The following HSPA12A variants were observed in gnomAD, a reference collection of about 807,000 sequenced individuals.
The protein encoded by HSPA12A is heat shock 70 kDa protein 12A.
A neutral mutation model predicts 69.2 loss-of-function variants in HSPA12A; 28 were observed. The ratio of observed to expected loss-of-function variants is 0.40; its 90% CI spans 0.30 to 0.55. HSPA12A has a LOEUF of 0.55. HSPA12A is among the 20% of genes least tolerant of loss of function. The pLI, the probability that HSPA12A is intolerant of heterozygous loss-of-function variation, is 0.38. For missense variants in HSPA12A, 686 were observed against 900.7 expected (o/e 0.76, Z 3.05); for synonymous variants, 345 against 370.5 (o/e 0.93, Z 0.79).
chr10:116,702,065 C>T (rs1419862770), intron 3 of HSPA12A, among the ~76,000 whole-genome samples: 1 of 151,946 alleles, frequency 6.6e-6, no homozygotes, highest in Non-Finnish European at 1.5e-5. Flanking sequence ...GCTATGATCG[C>T]ATCACTGCAC....
intron 2 of HSPA12A, among the ~76,000 whole-genome samples, chr10:116,818,324 C>A (rs1845345765): frequency 6.6e-6 from 1 of 152,230 alleles, no homozygotes; most frequent in African/African-American, 2.4e-5. Context: ...GGGCCTGCCC[C>A]ACAGCCAGAC....
At chr10:116,844,344 G>A (rs1453264357) in intron 1 of HSPA12A, among the ~76,000 whole-genome samples, 1 of 152,142 alleles carries the variant, frequency 6.6e-6, no homozygotes, top group African/African-American at 2.4e-5. Context: ...TAGTGGTAAT[G>A]ACTACTGCCA....
At chr10:116,714,970 G>A (rs1484208671) in intron 1 of HSPA12A, among the ~76,000 whole-genome samples, 3 of 152,182 alleles carry the variant, frequency 2.0e-5, no homozygotes, top group African/African-American at 4.8e-5. Context: ...AGCTCCCCCG[G>A]TGCAGATGAG....
intron 2 of HSPA12A, among the ~76,000 whole-genome samples, chr10:116,824,771 C>A (rs189224046): frequency 6.0e-4 from 91 of 152,282 alleles, no homozygotes; most frequent in African/African-American, 1.9e-3. Flanking sequence ...GTAGCTGGGA[C>A]TATAGATGCG....
At chr10:116,718,616 A>G (rs1850680322) in intron 1 of HSPA12A, among the ~76,000 whole-genome samples, 1 of 152,170 alleles carries the variant, frequency 6.6e-6, no homozygotes, top group African/African-American at 2.4e-5. Context: ...ACACCTCCCA[A>G]GCAGGGCTGC....
At chr10:116,764,979 A>G (rs1280677583) in intron 2 of HSPA12A, among the ~76,000 whole-genome samples, 2 of 152,216 alleles carry the variant, frequency 1.3e-5, no homozygotes, top group African/African-American at 4.8e-5. Context: ...GTAATTCTGA[A>G]ACTATTCTTT....
At chr10:116,776,685 C>A (rs1844345873) in intron 2 of HSPA12A, among the ~76,000 whole-genome samples, 1 of 152,138 alleles carries the variant, frequency 6.6e-6, no homozygotes, top group African/African-American at 2.4e-5. Context: ...CACAGAGCAT[C>A]AAAATATAAG....
At chr10:116,838,405 C>T (rs765850899) in intron 1 of HSPA12A, among the ~76,000 whole-genome samples, 5 of 151,856 alleles carry the variant, frequency 3.3e-5, no homozygotes, top group Non-Finnish European at 5.9e-5. Flanking sequence ...GTTTTAACAC[C>T]GTTTCACCAT....
chr10:116,770,689 C>G (rs543819867), intron 2 of HSPA12A, among the ~76,000 whole-genome samples: 24 of 152,224 alleles, frequency 1.6e-4, no homozygotes, highest in African/African-American at 5.8e-4. Flanking sequence ...GCCGGGTTGT[C>G]CCCACCATCT....
At chr10:116,817,933 C>A (rs989420592) in intron 2 of HSPA12A, among the ~76,000 whole-genome samples, 1 of 152,208 alleles carries the variant, frequency 6.6e-6, no homozygotes, top group Admixed American at 6.5e-5. Flanking sequence ...TTCGCCACCT[C>A]CAATTAGGCG....
At chr10:116,707,453 C>T (rs551139058) in intron 1 of HSPA12A, among the ~76,000 whole-genome samples, 168 bp from the exon 2 acceptor site, 2 of 152,332 alleles carry the variant, frequency 1.3e-5, no homozygotes, top group Non-Finnish European at 1.5e-5. Context: ...ACATCCGTTC[C>T]AGCACCTCTT....
At chr10:116,816,757 G>A (rs1845314351) in intron 2 of HSPA12A, among the ~76,000 whole-genome samples, 1 of 152,172 alleles carries the variant, frequency 6.6e-6, no homozygotes, top group Non-Finnish European at 1.5e-5. Context: ...AGAAATACCA[G>A]AGGGTTAAAA....
intron 1 of HSPA12A, among the ~76,000 whole-genome samples, chr10:116,709,581 T>C (rs1554882861): frequency 6.6e-6 from 1 of 152,072 alleles, no homozygotes; most frequent in East Asian, 1.9e-4. Context: ...ATATGCTAAG[T>C]AAAATACATG....
chr10:116,697,816 TTCAGCAG>T (rs1448985383), intron 5 of HSPA12A, among the ~76,000 whole-genome samples: 2 of 152,006 alleles, frequency 1.3e-5, no homozygotes, highest in Non-Finnish European at 1.5e-5. Context: ...ACTCATATCC[TTCAGCAG>T]TCGCTCCTAT....
intron 1 of HSPA12A, among the ~76,000 whole-genome samples, chr10:116,730,791 C>T (rs1301754228): frequency 1.3e-5 from 2 of 152,248 alleles, no homozygotes; most frequent in Non-Finnish European, 2.9e-5. Context: ...GAAAGCATCT[C>T]GCCATAGCTG....
chr10:116,696,002 C>CAAAA (rs71013609), intron 5 of HSPA12A, among the ~76,000 whole-genome samples: 6 of 32,708 alleles, frequency 1.8e-4, no homozygotes, highest in South Asian at 2.3e-3. Flanking sequence ...GACTCCATCT[C>CAAAA]AAAAAAAAAA....
intron 1 of HSPA12A, among the ~76,000 whole-genome samples, chr10:116,720,913 G>A (rs1000506812): frequency 1.4e-4 from 22 of 152,332 alleles, no homozygotes; most frequent in Admixed American, 1.2e-3. Context: ...GGGGAGGCAC[G>A]ATGGGAACTG....
intron 6 of HSPA12A, among the ~76,000 whole-genome samples, 183 bp downstream of exon 6, chr10:116,692,168 G>A (rs1849754771): frequency 6.6e-6 from 1 of 152,188 alleles, no homozygotes; most frequent in Non-Finnish European, 1.5e-5. Context: ...GCTCCCCCAG[G>A]AGGAAGCTGA....
rs114592472 is a variant in HSPA12A, at chr10:116,803,103, C to T, written c.91+31832G>A. ...CTTACCTTATGAAAGCTGACGCAGG[C>T]GCCACGAGGCATGCGCACGCGTGCA... On this transcript the variant is annotated intron_variant, in intron 2 of 12. Coordinates refer to the HSPA12A transcript ENST00000635765. Among the ~76,000 whole-genome samples, 1,199 of 152,332 alleles carry T rather than the reference C, an allele frequency of 7.9e-3. 23 individuals are homozygous for T. The highest frequency in any genetic ancestry group is 0.027 in the African/African-American group (1,122 of 41,580).
Sources: allele counts gnomAD v4.1 joint callset (sites outside exome capture counted in the v4.1 genomes callset), GRCh38; gene constraint gnomAD v4.1.1; transcripts MANE v1.5; gene names NCBI Gene and HGNC (gene_info 2026-07-23, HGNC 2026-07-21).